BST1: variants seen among roughly 807,000 people sequenced by gnomAD.
BST1 encodes the protein bone marrow stromal cell antigen 1, also known as ADP-ribosyl cyclase/cyclic ADP-ribose hydrolase 2.
In BST1, 49 loss-of-function variants were observed where a neutral mutation model predicts 40.6. The observed-to-expected ratio is 1.21, with a 90% CI of 0.96 to 1.53. The LOEUF is 1.53. Among genes scored for constraint, BST1 ranks in the 40% most tolerant of loss-of-function variants. The pLI is 0.00. For synonymous variants in BST1, 157 were observed against 159.3 expected (o/e 0.99, Z 0.11); for missense variants, 423 against 395.9 (o/e 1.07, Z -0.58).
chr4:15,767,954 C>G, the BST1 span, among the ~76,000 whole-genome samples: 1 of 152,154 alleles, frequency 6.6e-6, no homozygotes, highest in Non-Finnish European at 1.5e-5. Flanking sequence ...CTCTTGGCTC[C>G]CAGGAGGAGG....
chr4:15,731,282 G>A, intron 8 of BST1: 1 of 508,486 alleles, frequency 2.0e-6, no homozygotes, highest in Non-Finnish European at 3.5e-6. Flanking sequence ...TGCTTGATCA[G>A]AGACTCTGAG....
intron 1 of BST1, among the ~76,000 whole-genome samples, chr4:15,703,803 G>C (rs763507369): frequency 1.4e-5 from 2 of 145,180 alleles, no homozygotes; most frequent in Admixed American, 1.4e-4. Context: ...CTAGAGGTAA[G>C]GGGTGTGTGT....
intron 5 of BST1, 91 bp from the exon 6 acceptor site, chr4:15,715,612 CTCTT>C: frequency 1.0e-6 from 1 of 967,880 alleles, no homozygotes; most frequent in Non-Finnish European, 1.5e-6. Flanking sequence ...CTTCTAAAAG[CTCTT>C]TATTTTTTTT....
the BST1 span, among the ~76,000 whole-genome samples, chr4:15,756,393 T>G: frequency 2.1e-3 from 321 of 152,286 alleles, 1 homozygote; most frequent in Admixed American, 4.6e-3. Context: ...GGTTTGTGGT[T>G]AAAGATGTGC....
At chr4:15,758,541 A>AT in the BST1 span, among the ~76,000 whole-genome samples, 2 of 152,144 alleles carry the variant, frequency 1.3e-5, no homozygotes, top group Non-Finnish European at 2.9e-5. Context: ...TATCCTTAGC[A>AT]TTTTTTTGTC....
At chr4:15,739,320 C>A (rs749352370), downstream of BST1, among the ~76,000 whole-genome samples, 1 of 152,012 alleles carries the variant, frequency 6.6e-6, no homozygotes, top group African/African-American at 2.4e-5. Context: ...CAATATGAAA[C>A]GTATATGTAT....
At chr4:15,744,402 A>G in the BST1 span, among the ~76,000 whole-genome samples, 1 of 152,200 alleles carries the variant, frequency 6.6e-6, no homozygotes, top group South Asian at 2.1e-4. Context: ...AGGGAATGAC[A>G]CAGGAGGAAC....
the BST1 span, among the ~76,000 whole-genome samples, chr4:15,768,051 C>A: frequency 6.6e-6 from 1 of 152,190 alleles, no homozygotes; most frequent in Non-Finnish European, 1.5e-5. Flanking sequence ...AAATCCTCTT[C>A]TTCCTTTCTA....
At chr4:15,714,324 A>G (rs1163240815) in intron 4 of BST1, among the ~76,000 whole-genome samples, 1 of 152,182 alleles carries the variant, frequency 6.6e-6, no homozygotes. Context: ...TAAACATTTT[A>G]TGAGGGAAAT....
chr4:15,708,680 A>T (rs1720026123), intron 3 of BST1, among the ~76,000 whole-genome samples: 1 of 152,174 alleles, frequency 6.6e-6, no homozygotes, highest in Non-Finnish European at 1.5e-5. Flanking sequence ...CGAGTTCGAG[A>T]TTAGCCTGGC....
chr4:15,704,233 AGT>A (rs775134873), intron 1 of BST1, among the ~76,000 whole-genome samples: 4 of 80,086 alleles, frequency 5.0e-5, no homozygotes, highest in East Asian at 4.4e-4. Flanking sequence ...AGCTGAGGAG[AGT>A]GTGTGTTCTA....
chr4:15,703,230 G>T lies in BST1; in HGVS notation c.86G>T (p.Gly29Val). 3.2e-6 allele frequency: 5 copies of T among 1,545,780 alleles called. No homozygotes were observed. Among genetic ancestry groups the T allele is most frequent in the Non-Finnish European group, 4.4e-6 (5 of 1,147,316 alleles). Residue 29 changes from glycine (G) to valine (V), a missense_variant, in exon 1 of 9, where the codon GGG becomes GTG. Physicochemically the swap from Gly to Val is moderately radical, Grantham distance 109. Coordinates refer to ENST00000265016, the MANE Select transcript of BST1 (RefSeq NM_004334.3). ...CTACTGTTGCTGCTGGCGGCGGGCG[G>T]GGCGCGCGCGCGGTGGCGCGGGGAG... ...LLLLLLLAAG[G>V]ARARWRGEGT... is the part of the protein sequence containing the mutation.
the BST1 span, among the ~76,000 whole-genome samples, chr4:15,758,256 T>C: frequency 6.6e-6 from 1 of 152,154 alleles, no homozygotes; most frequent in Non-Finnish European, 1.5e-5. Context: ...GTAGTGAGCA[T>C]AGTACCTGAC....
downstream of BST1, among the ~76,000 whole-genome samples, chr4:15,733,648 C>T (rs1251229398): frequency 1.3e-5 from 2 of 152,194 alleles, no homozygotes; most frequent in Non-Finnish European, 2.9e-5. Flanking sequence ...GGGAAGCAGT[C>T]ATGTCTTACA....
chr4:15,718,133 T>C (rs1315585621), intron 6 of BST1, among the ~76,000 whole-genome samples: 3 of 152,152 alleles, frequency 2.0e-5, no homozygotes, highest in East Asian at 1.9e-4. Context: ...GTGTAAATGG[T>C]ATCGAAATGA....
chr4:15,734,873 G>C (rs566590814), downstream of BST1, among the ~76,000 whole-genome samples: 1 of 152,354 alleles, frequency 6.6e-6, no homozygotes, highest in East Asian at 1.9e-4. Context: ...GCAGGAGCGG[G>C]AACCAGGCCA....
the BST1 span, among the ~76,000 whole-genome samples, chr4:15,746,596 T>C: frequency 6.6e-6 from 1 of 152,168 alleles, no homozygotes; most frequent in African/African-American, 2.4e-5. Flanking sequence ...ATTAATCCCT[T>C]CATGAAGGCT....
At chr4:15,723,977 T>A (rs533865887) in intron 8 of BST1, among the ~76,000 whole-genome samples, 1 of 152,184 alleles carries the variant, frequency 6.6e-6, no homozygotes, top group Admixed American at 6.5e-5. Flanking sequence ...AGATTTCTGA[T>A]CCCTCCACTT....
chr4:15,764,457 G>A, the BST1 span, among the ~76,000 whole-genome samples: 1 of 151,942 alleles, frequency 6.6e-6, no homozygotes, highest in Non-Finnish European at 1.5e-5. Flanking sequence ...AGAACGGAAA[G>A]TGTAATTGTC....
Sources: gnomAD v4.1 joint callset for allele counts (sites outside exome capture counted in the v4.1 genomes callset) on GRCh38, gnomAD v4.1.1 for gene constraint, MANE v1.5 for transcripts, NCBI Gene and HGNC (gene_info 2026-07-23, HGNC 2026-07-21) for gene names.